CFAP61: variants seen among roughly 807,000 people sequenced by gnomAD.
The protein encoded by CFAP61 is cilia and flagella associated protein 61, also known as cilia- and flagella-associated protein 61.
CFAP61 carries 107 observed loss-of-function variants against 135.6 expected under a neutral mutation model. The ratio of observed to expected loss-of-function variants is 0.79; its 90% confidence interval spans 0.67 to 0.93. The LOEUF (loss-of-function observed/expected upper bound fraction) is 0.93, where lower values mean the gene tolerates loss of function less well. CFAP61 is among the 40% of genes least tolerant of loss of function. The probability of loss-of-function intolerance (pLI) is 0.00; values close to 1 mark genes in which losing one functional copy is unlikely to be tolerated. For synonymous variants in CFAP61, 575 were observed against 578.5 expected, an observed-to-expected ratio of 0.99 and a Z score of 0.09; for missense variants, 1,507 against 1,556.2, an observed-to-expected ratio of 0.97 and a Z score of 0.53.
chr20:20,230,043 G>T (rs1434036693), intron 18 of CFAP61, among the ~76,000 whole-genome samples: 2 of 152,008 alleles, frequency 1.3e-5, no homozygotes, highest in Admixed American at 6.6e-5. Context: ...TTATAAACAG[G>T]TCTTAAATCT....
intron 19 of CFAP61, among the ~76,000 whole-genome samples, chr20:20,251,303 G>A (rs2050873835): frequency 6.6e-6 from 1 of 151,208 alleles, no homozygotes; most frequent in African/African-American, 2.4e-5. Context: ...TATAGTATGA[G>A]TGATTTCACA....
intron 2 of CFAP61, chr20:20,069,619 T>G (rs748744351): frequency 4.1e-4 from 166 of 400,588 alleles, no homozygotes; most frequent in Non-Finnish European, 7.5e-4. Flanking sequence ...TTTCAACGTA[T>G]AGTTACCTCA....
intron 22 of CFAP61, among the ~76,000 whole-genome samples, chr20:20,285,844 C>T (rs1003854341): frequency 6.6e-6 from 1 of 151,482 alleles, no homozygotes; most frequent in Non-Finnish European, 1.5e-5. Flanking sequence ...TTCCTTGAAC[C>T]CGGGAGGTCA....
At chr20:20,073,663 A>C (rs2045873903) in intron 3 of CFAP61, among the ~76,000 whole-genome samples, 1 of 152,208 alleles carries the variant, frequency 6.6e-6, no homozygotes, top group East Asian at 1.9e-4. Context: ...CCACTTTAAA[A>C]GTCTCAGAAG....
chr20:20,125,628 A>G (rs1043734172), intron 8 of CFAP61, among the ~76,000 whole-genome samples: 3 of 151,696 alleles, frequency 2.0e-5, no homozygotes, highest in Non-Finnish European at 4.4e-5. Context: ...AGCTTGTTTT[A>G]TGGCCTATCA....
At chr20:20,315,201 A>G (rs1018166649) in intron 25 of CFAP61, among the ~76,000 whole-genome samples, 6 of 151,940 alleles carry the variant, frequency 3.9e-5, no homozygotes, top group African/African-American at 1.4e-4. Flanking sequence ...AGCACCTGTT[A>G]TTTCCTGACT....
At chr20:20,169,225 T>G in intron 12 of CFAP61, 96 bp from the exon 13 acceptor site, 9 of 1,183,736 alleles carry the variant, frequency 7.6e-6, no homozygotes, top group Non-Finnish European at 1.1e-5. Context: ...AATCAACACA[T>G]TTTGCTTCTA....
At chr20:20,179,410 T>C (rs1238811120) in intron 13 of CFAP61, among the ~76,000 whole-genome samples, 3 of 152,202 alleles carry the variant, frequency 2.0e-5, no homozygotes, top group African/African-American at 7.2e-5. Context: ...AAACATTCCA[T>C]GGTCATGGAT....
intron 12 of CFAP61, among the ~76,000 whole-genome samples, chr20:20,167,310 C>T (rs1300390457): frequency 6.6e-6 from 1 of 152,112 alleles, no homozygotes; most frequent in East Asian, 1.9e-4. Context: ...GCAATATGTT[C>T]TCCATCATAA....
intron 17 of CFAP61, chr20:20,220,120 C>G (rs532103541): frequency 2.0e-5 from 3 of 152,330 alleles, no homozygotes; most frequent in African/African-American, 4.8e-5. Flanking sequence ...AGGCCTACCC[C>G]CCAGCCTCCG....
intron 9 of CFAP61, among the ~76,000 whole-genome samples, chr20:20,148,465 C>T (rs2052100530): frequency 6.6e-6 from 1 of 152,066 alleles, no homozygotes; most frequent in Non-Finnish European, 1.5e-5. Flanking sequence ...AGATCTTTCA[C>T]CTCCTTGGTT....
intron 25 of CFAP61, among the ~76,000 whole-genome samples, chr20:20,305,398 G>A (rs2056410003): frequency 1.3e-5 from 2 of 152,258 alleles, no homozygotes; most frequent in African/African-American, 2.4e-5. Flanking sequence ...GTTTTTCTGC[G>A]CCTCTGTAGT....
intron 15 of CFAP61, among the ~76,000 whole-genome samples, chr20:20,193,456 C>G (rs2056063119): frequency 6.6e-6 from 1 of 151,272 alleles, no homozygotes. Context: ...ATTTATTGCA[C>G]TTTTTGATCC....
chr20:20,276,478 T>G (rs1463289478), intron 21 of CFAP61, among the ~76,000 whole-genome samples: 1 of 152,232 alleles, frequency 6.6e-6, no homozygotes, highest in Non-Finnish European at 1.5e-5. Context: ...TCTGTAGTCT[T>G]TTTGAGAAAT....
At chr20:20,167,114 TAAGTA>T (rs1220375927) in intron 12 of CFAP61, among the ~76,000 whole-genome samples, 3 of 152,214 alleles carry the variant, frequency 2.0e-5, no homozygotes, top group African/African-American at 7.2e-5. Context: ...GCCTGTTAAT[TAAGTA>T]AAGTCAACAA....
At position 20,057,120 on chromosome 20, in the gene CFAP61, TAAAAAAA is replaced by T. The variant is rs752860141; in HGVS notation, c.143+339_143+345del. 1.3e-4 allele frequency among the ~76,000 whole-genome samples: 13 copies of T among 102,122 alleles called. No individual in the cohort carries two copies. The East Asian group carries it at 2.9e-3, about 23-fold the overall frequency. The allele number at this position is 102,122 out of a possible 152,430, so 67.0% of individuals were successfully genotyped here. ...TGACAGAGCGGACCCCTGTCTCAATTAAAAAAAAAAAAAAAAAAAAAGAAGGTTCCTC... is the reference window on the plus strand; with the variant it reads ...TGACAGAGCGGACCCCTGTCTCAATTAAAAAAAAAAAAAAGAAGGTTCCTC... On this transcript the variant is annotated intron_variant, in intron 2 of 26. Transcript: ENST00000245957.
chr20:20,270,986 T>C (rs2053302216), intron 21 of CFAP61, among the ~76,000 whole-genome samples: 1 of 152,218 alleles, frequency 6.6e-6, no homozygotes, highest in African/African-American at 2.4e-5. Context: ...GTTGAAACTT[T>C]AAAATGTGAT....
At chr20:20,260,386 C>T (rs1428401374) in intron 20 of CFAP61, among the ~76,000 whole-genome samples, 1 of 152,220 alleles carries the variant, frequency 6.6e-6, no homozygotes, top group Non-Finnish European at 1.5e-5. Context: ...ACAAAGCAAG[C>T]TTCTTTTTCC....
At chr20:20,210,025 T>A (rs2047521769) in intron 17 of CFAP61, among the ~76,000 whole-genome samples, 1 of 152,140 alleles carries the variant, frequency 6.6e-6, no homozygotes, top group Admixed American at 6.5e-5. Flanking sequence ...AGCTACGTGC[T>A]CTCTTCCTCT....
Sources: gnomAD v4.1 joint callset for allele counts (sites outside exome capture counted in the v4.1 genomes callset) on GRCh38, gnomAD v4.1.1 for gene constraint, MANE v1.5 for transcripts, NCBI Gene and HGNC (gene_info 2026-07-23, HGNC 2026-07-21) for gene names.